AR: variants seen among roughly 807,000 people sequenced by gnomAD.
AR encodes androgen receptor.
Under a neutral mutation model 53.9 loss-of-function variants are expected in AR, and 8 were observed. The observed-to-expected ratio is 0.15, with a 90% CI of 0.09 to 0.27. The LOEUF (loss-of-function observed/expected upper bound fraction) is 0.27, where lower values mean the gene tolerates loss of function less well. Among genes scored for constraint, AR ranks in the 10% least tolerant of loss-of-function variants. AR has a pLI of 1.00. For synonymous variants in AR, 359 were observed against 316.4 expected (o/e 1.13, Z -1.43); for missense variants, 639 against 742.5 (o/e 0.86, Z 1.62).
chrX:67,630,857 T>C (rs1387212870), intron 1 of AR, among the ~76,000 whole-genome samples: 2 of 110,606 alleles, frequency 1.8e-5, no homozygotes, highest in Non-Finnish European at 3.8e-5. Flanking sequence ...TCTCTCGGCA[T>C]TTGCTTGTCT....
rs185020359 is a variant in AR at position 67,553,117 on chromosome X, G to A, written c.1616+6355G>A. Among the ~76,000 whole-genome samples the A allele has an allele frequency of 6.7e-4, 75 of 111,453 alleles. 1 individual carries two copies. Among genetic ancestry groups the A allele is most frequent in the African/African-American group, 2.1e-3 (65 of 30,682 alleles). ...TGTTTTGGCTTATGATTTTGGCGTC[G>A]TATCTAAGAAGTCTTTGCCTAATCC... On this transcript the variant is annotated intron_variant, in intron 1 of 7. Coordinates refer to ENST00000374690, the MANE Select transcript of AR (RefSeq NM_000044.6).
At chrX:67,694,072 G>A (rs1032750409) in intron 3 of AR, among the ~76,000 whole-genome samples, 2 of 111,505 alleles carry the variant, frequency 1.8e-5, no homozygotes, top group African/African-American at 6.5e-5. Context: ...GTGTCATGTT[G>A]GCCACAATGA....
intron 6 of AR, 29 bp from the exon 7 acceptor site, chrX:67,722,798 C>T: frequency 1.7e-6 from 2 of 1,208,401 alleles, no homozygotes; most frequent in Non-Finnish European, 2.2e-6. Context: ...CATGCTTCCC[C>T]TCCCCATTCT....
chrX:67,663,145 G>C (rs202004826), intron 2 of AR, among the ~76,000 whole-genome samples: 1 of 111,537 alleles, frequency 9.0e-6, no homozygotes, highest in Admixed American at 9.5e-5. Context: ...ATATTGTTAT[G>C]TGTGAATTTG....
intron 1 of AR, among the ~76,000 whole-genome samples, chrX:67,557,189 G>C (rs1317073843): frequency 9.0e-6 from 1 of 111,326 alleles, no homozygotes; most frequent in Non-Finnish European, 1.9e-5. Context: ...ATCTGGGTGA[G>C]AGGTGACCGT....
At chrX:67,644,306 G>A (rs1429279962) in intron 2 of AR, among the ~76,000 whole-genome samples, 1 of 111,630 alleles carries the variant, frequency 9.0e-6, no homozygotes, top group Non-Finnish European at 1.9e-5. Context: ...AGCCCCTAGA[G>A]AGAGATGCTG....
rs939465451 is a variant in AR, at chrX:67,655,347, G to A, written c.1768+11940G>A. Among the ~76,000 whole-genome samples, 9 of 110,839 alleles carry A rather than the reference G, an allele frequency of 8.1e-5. No individual in the cohort carries two copies. The East Asian group carries it at 8.6e-4, about 11-fold the overall frequency. On this transcript the variant is annotated intron_variant, in intron 2 of 7. Transcript: ENST00000374690. ...AAAGCCTCCTACTCCCCACTTTTTTGCATAGCTTCTTCTGCCATCCCACCT... is the reference window on the plus strand; with the variant it reads ...AAAGCCTCCTACTCCCCACTTTTTTACATAGCTTCTTCTGCCATCCCACCT...
Position 67,717,566 on chromosome X carries a change from C to T in AR, c.2262C>T (p.Ser754=). 4 of 1,212,220 alleles carry T rather than the reference C, an allele frequency of 3.3e-6. No individual in the cohort carries two copies. The highest frequency in any genetic ancestry group is 4.5e-6 in the Non-Finnish European group (4 of 895,580). ...GLMVFAMGWR[S]FTNVNSRMLY... ...TGGTGTTTGCCATGGGCTGGCGATCCTTCACCAATGTCAACTCCAGGATGC... is the reference window on the plus strand; with the variant it reads ...TGGTGTTTGCCATGGGCTGGCGATCTTTCACCAATGTCAACTCCAGGATGC... Residue 754 remains serine, a synonymous_variant, in exon 5 of 8, where the codon TCC becomes TCT. Coordinates refer to ENST00000374690, the MANE Select transcript of AR (RefSeq NM_000044.6).
At chrX:67,657,643 C>T (rs183254324) in intron 2 of AR, among the ~76,000 whole-genome samples, 2 of 112,011 alleles carry the variant, frequency 1.8e-5, no homozygotes, top group Non-Finnish European at 3.8e-5. Flanking sequence ...TATGTGAAAA[C>T]ACATCACCTA....
Position 67,652,954 on chromosome X carries a change from T to A in AR, c.1768+9547T>A, listed in dbSNP as rs1926416525. Among the ~76,000 whole-genome samples the A allele has an allele frequency of 2.7e-5, 3 of 111,972 alleles. No homozygotes were observed. The Admixed American group carries it at 2.9e-4, about 11-fold the overall frequency. The stretch of plus-strand genomic sequence containing the variant: ...TAGCTTTTACATGGATCTCAGAGGC[T>A]CTATAACCCAGAGAAGATTACAGAA... On this transcript the variant is annotated intron_variant, in intron 2 of 7. Transcript: ENST00000374690.
chrX:67,547,232 T>G (rs1035807070), intron 1 of AR, among the ~76,000 whole-genome samples: 1 of 111,494 alleles, frequency 9.0e-6, no homozygotes, highest in African/African-American at 3.3e-5. Context: ...GCCCAATAGC[T>G]TCTCAGCGGG....
At chrX:67,692,085 A>T (rs2088608436) in intron 3 of AR, among the ~76,000 whole-genome samples, 5 of 112,165 alleles carry the variant, frequency 4.5e-5, no homozygotes. Context: ...TCAGAACCCC[A>T]TCACAGTGCT....
At chrX:67,648,225 G>T (rs1926148743) in intron 2 of AR, among the ~76,000 whole-genome samples, 1 of 111,333 alleles carries the variant, frequency 9.0e-6, no homozygotes, top group African/African-American at 3.3e-5. Context: ...TGCTAGAAGA[G>T]GATACTTTTT....
chrX:67,656,522 G>A (rs757213548), intron 2 of AR, among the ~76,000 whole-genome samples: 2 of 111,522 alleles, frequency 1.8e-5, no homozygotes, highest in African/African-American at 3.3e-5. Flanking sequence ...TAATGGTGAT[G>A]ATAATCATAG....
rs139756052 is a variant in AR, at chrX:67,643,314, A to T, written c.1675A>T (p.Thr559Ser). 9.2e-5 allele frequency: 111 copies of T among 1,209,483 alleles called. No homozygotes were observed. The African/African-American group carries it at 1.7e-3, about 18-fold the overall frequency. The stretch of plus-strand genomic sequence containing the variant: ...TGACTATTACTTTCCACCCCAGAAG[A>T]CCTGCCTGATCTGTGGAGATGAAGC... ...PIDYYFPPQKTCLICGDEASG... is the reference protein window; with the variant it reads ...PIDYYFPPQKSCLICGDEASG... The change falls in exon 2 of 8, where the codon ACC (threonine) becomes TCC (serine). Residue 559 changes from threonine to serine, a missense_variant. Around this residue, in one of 5 missense-constraint regions of AR, gnomAD observed 423 missense variants for 377.0 expected, o/e 1.12. Transcript: ENST00000374690.
intron 1 of AR, among the ~76,000 whole-genome samples, chrX:67,635,688 T>C (rs1925397889): frequency 9.0e-6 from 1 of 111,338 alleles, no homozygotes; most frequent in South Asian, 3.8e-4. Context: ...CAACAGCTTC[T>C]AGTAATCCAC....
intron 3 of AR, among the ~76,000 whole-genome samples, chrX:67,687,398 A>C (rs1177954581): frequency 8.9e-6 from 1 of 112,263 alleles, no homozygotes; most frequent in East Asian, 2.8e-4. Context: ...AGACAATTTC[A>C]AAAGAATCAT....
intron 3 of AR, among the ~76,000 whole-genome samples, chrX:67,686,612 C>T (rs2075968363): frequency 1.8e-5 from 2 of 111,681 alleles, no homozygotes; most frequent in Non-Finnish European, 3.8e-5. Context: ...CCAGCCACCT[C>T]GAATGAGAAG....
intron 2 of AR, among the ~76,000 whole-genome samples, chrX:67,676,249 T>C (rs2075899176): frequency 9.0e-6 from 1 of 111,707 alleles, no homozygotes; most frequent in Admixed American, 9.5e-5. Flanking sequence ...CACTCCACTG[T>C]TTTCTTTGTG....
Sources: allele counts gnomAD v4.1 joint callset (sites outside exome capture counted in the v4.1 genomes callset), GRCh38; gene constraint gnomAD v4.1.1; regional missense constraint gnomAD v4.1.1; transcripts MANE v1.5; gene names NCBI Gene and HGNC (gene_info 2026-07-23, HGNC 2026-07-21).